ATP10A: variants seen among roughly 807,000 people sequenced by gnomAD.
ATP10A encodes phospholipid-transporting ATPase VA.
ATP10A carries 111 observed loss-of-function variants against 147.8 expected under a neutral mutation model. The observed-to-expected ratio is 0.75, with a 90% CI of 0.64 to 0.88. The LOEUF (loss-of-function observed/expected upper bound fraction) is 0.88. Among genes scored for constraint, ATP10A ranks in the 40% least tolerant of loss-of-function variants. ATP10A has a pLI of 0.00. For missense variants in ATP10A, 1,927 were observed against 1,959.0 expected (o/e 0.98, Z 0.31); for synonymous variants, 875 against 841.6 (o/e 1.04, Z -0.69).
intron 12 of ATP10A, among the ~76,000 whole-genome samples, chr15:25,704,588 G>A (rs1900864746): frequency 6.6e-6 from 1 of 152,194 alleles, no homozygotes; most frequent in South Asian, 2.1e-4. Context: ...AAACTCATGG[G>A]CCTCCCACTG....
At chr15:25,672,546 T>G (rs1899064773), downstream of ATP10A, among the ~76,000 whole-genome samples, 1 of 152,210 alleles carries the variant, frequency 6.6e-6, no homozygotes, top group South Asian at 2.1e-4. Context: ...CCTTTAATTT[T>G]GGGAGGAATT....
In ATP10A at chr15:25,736,033, G is replaced by A. The variant is rs746888007; in HGVS notation, c.740+23C>T. On this transcript the variant is annotated intron_variant, in intron 3 of 20. Transcript: ENST00000555815. ...GTAGTTATCAAACAGAAGGATGCGCGCAGGCAGACACACGATACTCACATG... is the reference window on the plus strand; with the variant it reads ...GTAGTTATCAAACAGAAGGATGCGCACAGGCAGACACACGATACTCACATG... 36 of 1,585,046 alleles carry A rather than the reference G, an allele frequency of 2.3e-5. 1 individual carries two copies. The highest frequency in any genetic ancestry group is 2.9e-5 in the Non-Finnish European group (33 of 1,153,360).
intron 2 of ATP10A, among the ~76,000 whole-genome samples, chr15:25,764,596 C>T (rs940169221): frequency 6.6e-6 from 1 of 152,170 alleles, no homozygotes; most frequent in Admixed American, 6.5e-5. Flanking sequence ...TGCCAGACGC[C>T]AGATCTACTG....
At chr15:25,864,216 G>T (rs1299656353), upstream of ATP10A, among the ~76,000 whole-genome samples, 1 of 152,100 alleles carries the variant, frequency 6.6e-6, no homozygotes, top group African/African-American at 2.4e-5. Flanking sequence ...CCACATCATG[G>T]GGCATCCGAG....
intron 10 of ATP10A, among the ~76,000 whole-genome samples, chr15:25,711,409 C>T (rs1309729796): frequency 6.6e-6 from 1 of 152,102 alleles, no homozygotes; most frequent in Non-Finnish European, 1.5e-5. Flanking sequence ...CCACCGCTCC[C>T]CAAGTAAAAG....
At chr15:25,707,871 C>G in intron 12 of ATP10A, 105 bp downstream of exon 12, 11 of 1,490,466 alleles carry the variant, frequency 7.4e-6, no homozygotes, top group Non-Finnish European at 1.0e-5. Context: ...GCTCCCTAAC[C>G]AAGGCCAGCC....
At chr15:25,687,947 C>A (rs3743438) in intron 15 of ATP10A, 119 bp from the exon 16 acceptor site, 3 of 1,424,156 alleles carry the variant, frequency 2.1e-6, no homozygotes, top group East Asian at 2.3e-5. Context: ...GAACACAGTG[C>A]GAGCGTGGCC....
At chr15:25,691,405 G>A (rs1900026462) in intron 15 of ATP10A, among the ~76,000 whole-genome samples, 1 of 152,168 alleles carries the variant, frequency 6.6e-6, no homozygotes, top group Non-Finnish European at 1.5e-5. Context: ...TGCTGGGACC[G>A]AGCCATCGAA....
chr15:25,687,890 C>T (rs1002609215), intron 15 of ATP10A, 62 bp from the exon 16 acceptor site: 1 of 1,608,576 alleles, frequency 6.2e-7, no homozygotes, highest in African/African-American at 1.3e-5. Flanking sequence ...TTTGTCTTCT[C>T]TTCTCAAAAT....
At chr15:25,862,568 A>G (rs2140931174) in intron 1 of ATP10A, 80 bp downstream of exon 1, 1 of 1,390,488 alleles carries the variant, frequency 7.2e-7, no homozygotes, top group African/African-American at 1.5e-5. Flanking sequence ...GCCCCTGCCA[A>G]TCACTGTGCC....
intron 17 of ATP10A, among the ~76,000 whole-genome samples, chr15:25,681,642 C>A (rs1394483364): frequency 6.6e-6 from 1 of 151,830 alleles, no homozygotes; most frequent in Non-Finnish European, 1.5e-5. Flanking sequence ...AGACGCGAGG[C>A]CCCAGAGGCC....
At chr15:25,760,450 C>G (rs1395184614) in intron 2 of ATP10A, among the ~76,000 whole-genome samples, 1 of 152,174 alleles carries the variant, frequency 6.6e-6, no homozygotes, top group Non-Finnish European at 1.5e-5. Context: ...CATTTTAAGC[C>G]TTGGTGTTCA....
At chr15:25,743,354 G>A (rs1349201105) in intron 2 of ATP10A, among the ~76,000 whole-genome samples, 2 of 152,228 alleles carry the variant, frequency 1.3e-5, no homozygotes, top group East Asian at 1.9e-4. Context: ...AGCACCAGAC[G>A]ACTGGGCAAT....
intron 2 of ATP10A, among the ~76,000 whole-genome samples, chr15:25,777,962 G>C (rs2140692477): frequency 6.6e-6 from 1 of 151,748 alleles, no homozygotes. Flanking sequence ...TTTTTTTAAA[G>C]ATAACAGCTT....
Position 25,833,075 on chromosome 15 carries a change from T to C in ATP10A, c.449+29573A>G, listed in dbSNP as rs565887157. Among the ~76,000 whole-genome samples, 275 of 147,612 alleles carry C rather than the reference T, an allele frequency of 1.9e-3. 3 individuals are homozygous for C. The highest frequency in any genetic ancestry group is 1.6e-3 in the Non-Finnish European group (109 of 66,804). ...TCGGCTCACTGCAACCTCCGCCTCC[T>C]GGCTTCAAGTGATTCTTGTGCCTCA... On this transcript the variant is annotated intron_variant, in intron 1 of 20. Coordinates refer to ENST00000555815, the MANE Select transcript of ATP10A (RefSeq NM_024490.4).
chr15:25,733,420 G>T (rs1220780216), intron 3 of ATP10A, among the ~76,000 whole-genome samples: 3 of 152,134 alleles, frequency 2.0e-5, no homozygotes, highest in African/African-American at 7.2e-5. Context: ...CCAGCCCCAG[G>T]GAGCACTCCT....
intron 10 of ATP10A, among the ~76,000 whole-genome samples, chr15:25,711,705 C>T (rs1901431992): frequency 6.6e-6 from 1 of 152,188 alleles, no homozygotes; most frequent in African/African-American, 2.4e-5. Context: ...CATTACCTGG[C>T]CCTTCCATGA....
intron 3 of ATP10A, among the ~76,000 whole-genome samples, chr15:25,731,490 G>T (rs1902985619): frequency 2.0e-5 from 3 of 152,144 alleles, no homozygotes; most frequent in Admixed American, 2.0e-4. Flanking sequence ...TATTCTTTAG[G>T]GGAAAGTGCA....
rs756942468 is a variant in ATP10A, at chr15:25,718,220, T to C, written c.1543A>G (p.Ser515Gly). ...TGSRAEAKRA[S>G]MLSKHTAFSS... Reference sequence around the variant, plus strand: ...AAGGCCGTGTGCTTGGACAGCATGCTGGCCCTCTTGGCCTCGGCCCGGCTG... The same window carrying C: ...AAGGCCGTGTGCTTGGACAGCATGCCGGCCCTCTTGGCCTCGGCCCGGCTG... Residue 515 changes from serine to glycine, a missense_variant, in exon 8 of 21, where the codon AGC (serine) becomes GGC (glycine). Coordinates refer to ENST00000555815, the MANE Select transcript of ATP10A (RefSeq NM_024490.4). The C allele has an allele frequency of 2.5e-6, 4 of 1,613,106 alleles. No individual in the cohort carries two copies. The highest frequency in any genetic ancestry group is 3.4e-6 in the Non-Finnish European group (4 of 1,179,990).
Sources: allele counts gnomAD v4.1 joint callset (sites outside exome capture counted in the v4.1 genomes callset), GRCh38; gene constraint gnomAD v4.1.1; transcripts MANE v1.5; gene names NCBI Gene and HGNC (gene_info 2026-07-23, HGNC 2026-07-21).